Variants in ANK2 observed in about 807,000 individuals in gnomAD.
ANK2 encodes ankyrin-2.
Under a neutral mutation model 360.5 loss-of-function variants are expected in ANK2, and 83 were observed. The ratio of observed to expected loss-of-function variants is 0.23; its 90% CI spans 0.19 to 0.28. The LOEUF (loss-of-function observed/expected upper bound fraction) is 0.28, where lower values mean the gene tolerates loss of function less well. ANK2 is among the 10% of genes least tolerant of loss of function. The pLI is 1.00. For synonymous variants in ANK2, 1,740 were observed against 1,759.5 expected (o/e 0.99, Z 0.28); for missense variants, 4,201 against 4,795.7 (o/e 0.88, Z 3.66).
intron 4 of ANK2, among the ~76,000 whole-genome samples, chr4:113,215,261 T>A (rs1211323606): frequency 3.9e-5 from 6 of 152,170 alleles, no homozygotes; most frequent in African/African-American, 1.4e-4. Context: ...GACCTTGGGC[T>A]TATTACTTAA....
At chr4:112,810,182 TG>T in the ANK2 span, among the ~76,000 whole-genome samples, 5 of 111,788 alleles carry the variant, frequency 4.5e-5, no homozygotes, top group Non-Finnish European at 9.0e-5. Flanking sequence ...TTTTTTTTTT[TG>T]TAGCAATGGG....
chr4:113,274,689 T>G, intron 15 of ANK2, 40 bp downstream of exon 15: 1 of 1,605,796 alleles, frequency 6.2e-7, no homozygotes, highest in East Asian at 2.2e-5. Context: ...ACCAAGAGGA[T>G]TCCTAAGTCA....
chr4:112,913,299 A>G (rs569546493), intron 2 of ANK2, among the ~76,000 whole-genome samples: 1 of 152,288 alleles, frequency 6.6e-6, no homozygotes, highest in Admixed American at 6.5e-5. Flanking sequence ...GCTTATTGTA[A>G]AGGATTTTGA....
At chr4:113,135,411 A>G (rs2096337968) in intron 1 of ANK2, among the ~76,000 whole-genome samples, 1 of 152,006 alleles carries the variant, frequency 6.6e-6, no homozygotes, top group Admixed American at 6.6e-5. Flanking sequence ...CCAATAATGA[A>G]AGAATGCAGA....
chr4:112,893,022 G>T (rs1398947225), intron 1 of ANK2, among the ~76,000 whole-genome samples: 1 of 152,012 alleles, frequency 6.6e-6, no homozygotes. Flanking sequence ...AGATAAATAG[G>T]TTTCTAAAGT....
chr4:113,123,628 A>G (rs1263382994), intron 1 of ANK2, among the ~76,000 whole-genome samples: 2 of 152,160 alleles, frequency 1.3e-5, no homozygotes, highest in Non-Finnish European at 2.9e-5. Flanking sequence ...GTGATTTTAA[A>G]TGTTTATTGT....
intron 1 of ANK2, among the ~76,000 whole-genome samples, chr4:113,054,724 C>T (rs901039345): frequency 1.3e-5 from 2 of 152,098 alleles, no homozygotes; most frequent in Non-Finnish European, 2.9e-5. Context: ...TGCCTGAAGA[C>T]AGTAATTCCC....
chr4:112,806,538 T>C, the ANK2 span, among the ~76,000 whole-genome samples: 7 of 152,094 alleles, frequency 4.6e-5, no homozygotes, highest in Non-Finnish European at 1.0e-4. Flanking sequence ...CTCTACAATA[T>C]ACTGATTTCA....
intron 1 of ANK2, among the ~76,000 whole-genome samples, chr4:113,103,173 G>A (rs2093156875): frequency 6.6e-6 from 1 of 152,090 alleles, no homozygotes; most frequent in Admixed American, 6.5e-5. Context: ...TATAAATAGA[G>A]CTTTCTTTGC....
chr4:112,942,550 C>T (rs192378011), intron 2 of ANK2, among the ~76,000 whole-genome samples: 31 of 151,900 alleles, frequency 2.0e-4, no homozygotes, highest in Admixed American at 1.5e-3. Flanking sequence ...AGTGTACTGC[C>T]GCTTATGAGA....
intron 45 of ANK2, 39 bp from the exon 46 acceptor site, chr4:113,381,418 T>C (rs1449584829): frequency 6.2e-7 from 1 of 1,612,570 alleles, no homozygotes; most frequent in Non-Finnish European, 8.5e-7. Context: ...CCTCTGGCAG[T>C]GAAAAGAGCG....
intron 1 of ANK2, among the ~76,000 whole-genome samples, chr4:112,856,984 C>T (rs1040677108): frequency 6.6e-6 from 1 of 152,142 alleles, no homozygotes; most frequent in Non-Finnish European, 1.5e-5. Flanking sequence ...AGGAACTTTG[C>T]AGAAGGCAGG....
chr4:112,931,879 C>T (rs1247049614), intron 2 of ANK2, among the ~76,000 whole-genome samples: 3 of 152,136 alleles, frequency 2.0e-5, no homozygotes, highest in Non-Finnish European at 4.4e-5. Context: ...GACATGAAAT[C>T]AAACAATAAA....
chr4:112,958,675 A>G (rs1184941446), intron 2 of ANK2, among the ~76,000 whole-genome samples: 1 of 151,942 alleles, frequency 6.6e-6, no homozygotes, highest in Non-Finnish European at 1.5e-5. Context: ...AAGATTTAAT[A>G]CTGCATGTTA....
At chr4:112,994,113 G>A (rs2047751462) in intron 2 of ANK2, among the ~76,000 whole-genome samples, 1 of 152,200 alleles carries the variant, frequency 6.6e-6, no homozygotes. Context: ...CTGATGTTTG[G>A]ATCTGAATGG....
intron 1 of ANK2, among the ~76,000 whole-genome samples, chr4:113,133,155 T>C (rs1320152359): frequency 6.6e-6 from 1 of 152,160 alleles, no homozygotes. Flanking sequence ...AATGGTAAGA[T>C]AGGAGAGCAG....
chr4:112,839,255 G>A (rs1420870334), intron 1 of ANK2, among the ~76,000 whole-genome samples: 3 of 152,126 alleles, frequency 2.0e-5, no homozygotes, highest in Non-Finnish European at 4.4e-5. Flanking sequence ...TATACAGAAG[G>A]CAGAAAGGTT....
At chr4:113,243,114 A>G (rs189660853) in intron 9 of ANK2, among the ~76,000 whole-genome samples, 8 of 152,330 alleles carry the variant, frequency 5.3e-5, no homozygotes, top group African/African-American at 1.9e-4. Context: ...TTATTTCAGT[A>G]TTAATTATCT....
the ANK2 span, among the ~76,000 whole-genome samples, chr4:112,805,976 T>C: frequency 6.6e-6 from 1 of 152,180 alleles, no homozygotes; most frequent in Non-Finnish European, 1.5e-5. Flanking sequence ...GATATTTTGA[T>C]ACAGGCATAC....
Sources: allele counts gnomAD v4.1 joint callset (sites outside exome capture counted in the v4.1 genomes callset), GRCh38; gene constraint gnomAD v4.1.1; transcripts MANE v1.5; gene names NCBI Gene and HGNC (gene_info 2026-07-23, HGNC 2026-07-21).